KIF1B: variants seen among roughly 807,000 people sequenced by gnomAD.
The protein encoded by KIF1B is kinesin-like protein KIF1B.
KIF1B carries 76 observed loss-of-function variants against 241.9 expected under a neutral mutation model. The observed-to-expected ratio is 0.31, with a 90% confidence interval of 0.26 to 0.38. The LOEUF is 0.38. Among genes scored for constraint, KIF1B ranks in the 10% least tolerant of loss-of-function variants. KIF1B has a pLI of 1.00. For synonymous variants in KIF1B, 750 were observed against 796.7 expected (o/e 0.94, Z 0.99); for missense variants, 1,622 against 2,271.4 (o/e 0.71, Z 5.81).
chr1:10,304,367 G>A, intron 22 of KIF1B: 1 of 1,614,230 alleles, frequency 6.2e-7, no homozygotes, highest in Admixed American at 1.7e-5. Flanking sequence ...CAGCCGAAAA[G>A]TACGCGCTGC....
chr1:10,368,529 T>C lies in KIF1B; in HGVS notation c.4815T>C (p.Ser1605=). 6.2e-7 allele frequency: 1 copy of C among 1,613,774 alleles called. No homozygotes were observed. The highest frequency in any genetic ancestry group is 8.5e-7 in the Non-Finnish European group (1 of 1,179,666). The change falls in exon 44 of 49, where the codon AGT becomes AGC. Residue 1605 remains serine (S), a synonymous_variant. Coordinates refer to ENST00000676179, the MANE Select transcript of KIF1B (RefSeq NM_001365951.3). ...TCAGCCAGGTGCACGGCAGCGTCAG[T>C]GACTGTAAGGTGAGCACATTGACTG... The part of the protein sequence containing the change: ...REFSQVHGSV[S]DCKLSDISPI...
intron 2 of KIF1B, 94 bp downstream of exon 2, chr1:10,232,528 A>G: frequency 1.1e-6 from 1 of 875,262 alleles, no homozygotes; most frequent in Non-Finnish European, 1.9e-6. Context: ...GAACATCTGT[A>G]TGTTAACACT....
intron 44 of KIF1B, among the ~76,000 whole-genome samples, chr1:10,370,643 A>AAATAATAAT (rs200343928): frequency 0.015 from 2,212 of 147,948 alleles, 40 homozygotes; most frequent in African/African-American, 0.049. Flanking sequence ...TCGAGAAAGA[A>AAATAATAAT]AATAATAATA....
chr1:10,267,121 G>T (rs903994374), intron 5 of KIF1B, among the ~76,000 whole-genome samples: 1 of 151,906 alleles, frequency 6.6e-6, no homozygotes, highest in Non-Finnish European at 1.5e-5. Flanking sequence ...AGGTACAGGC[G>T]ATTTCTCCTG....
At position 10,371,691 on chromosome 1, in the gene KIF1B, C is replaced by T. The variant is rs148408541; in HGVS notation, c.4946+429C>T. Among the ~76,000 whole-genome samples, 851 of 152,258 alleles carry T rather than the reference C, an allele frequency of 5.6e-3. 4 individuals carry two copies. Among genetic ancestry groups the T allele is most frequent in the Non-Finnish European group, 9.2e-3 (625 of 68,000 alleles). On this transcript the variant is annotated intron_variant, in intron 45 of 48. Transcript: ENST00000676179. The stretch of plus-strand genomic sequence containing the variant: ...CAGGTGAGGTGGCTCCCAGCACTTT[C>T]GGATGCCAAGGCAGGAGGATTGCTT...
In KIF1B at chr1:10,222,599, TCTC is replaced by T. The variant is rs1347396902; in HGVS notation, c.-79-9648_-79-9646del. ...TTTACTGAAAGATCAATTTGAGTCT[TCTC>T]CTTAGATTCCTTATAATCCGAAGTG... On this transcript the variant is annotated intron_variant, in intron 1 of 48. Coordinates refer to ENST00000676179, the MANE Select transcript of KIF1B (RefSeq NM_001365951.3). Among the ~76,000 whole-genome samples the T allele has an allele frequency of 2.0e-5, 3 of 152,228 alleles. No individual in the cohort carries two copies. The East Asian group carries it at 5.8e-4, about 29-fold the overall frequency.
intron 37 of KIF1B, among the ~76,000 whole-genome samples, chr1:10,352,353 C>T (rs1203693991): frequency 6.6e-6 from 1 of 152,020 alleles, no homozygotes; most frequent in Non-Finnish European, 1.5e-5. Context: ...AGGTTCCAGA[C>T]CAGAGAGGAG....
intron 22 of KIF1B, among the ~76,000 whole-genome samples, chr1:10,300,119 C>T (rs1650463797): frequency 6.6e-6 from 1 of 151,586 alleles, no homozygotes; most frequent in Non-Finnish European, 1.5e-5. Flanking sequence ...CACCTGTAAT[C>T]CCAGCTGCTT....
chr1:10,303,635 A>G lies in KIF1B; in HGVS notation c.2115+6389A>G. On this transcript the variant is annotated intron_variant, in intron 22 of 48. Transcript: ENST00000676179. The surrounding 1 kb of genome is among the most constrained non-coding windows in gnomAD (Gnocchi z 5.2). Reference sequence around the variant, plus strand: ...ACTGGGAAAGGCAGCACTGATGTAGATGACCTCAAGGTTCATATAGACAAG... The same window carrying G: ...ACTGGGAAAGGCAGCACTGATGTAGGTGACCTCAAGGTTCATATAGACAAG... 1.9e-6 allele frequency: 3 copies of G among 1,614,220 alleles called. No homozygotes were observed. The East Asian group carries it at 6.7e-5, about 36-fold the overall frequency.
intron 22 of KIF1B, among the ~76,000 whole-genome samples, chr1:10,309,182 A>G (rs1287013357): frequency 1.3e-5 from 2 of 152,194 alleles, no homozygotes; most frequent in East Asian, 3.8e-4. Flanking sequence ...AAACAACATA[A>G]TCACGCATCA....
Position 10,236,828 on chromosome 1 carries a change from CTTG to C in KIF1B, c.106+4397_106+4399del, listed in dbSNP as rs1177908562. ...ATGATATTTTAGAAAGTATTATTGG[CTTG>C]TTTTTTTTTTTTTAAACACCATTGG... On this transcript the variant is annotated intron_variant, in intron 2 of 48. Coordinates refer to ENST00000676179, the MANE Select transcript of KIF1B (RefSeq NM_001365951.3). Among the ~76,000 whole-genome samples, 201 of 148,264 alleles carry C rather than the reference CTTG, an allele frequency of 1.4e-3. 1 individual carries two copies. The highest frequency in any genetic ancestry group is 4.5e-3 in the African/African-American group (180 of 39,892).
chr1:10,293,364 C>T (rs1366558037), intron 17 of KIF1B, among the ~76,000 whole-genome samples: 1 of 150,248 alleles, frequency 6.7e-6, no homozygotes, highest in Admixed American at 6.7e-5. Flanking sequence ...TATTTTATAA[C>T]ATCTTACAGT....
chr1:10,292,350 G>A (rs903514941), intron 17 of KIF1B: 11 of 506,996 alleles, frequency 2.2e-5, no homozygotes, highest in Admixed American at 9.9e-5. Context: ...AAAACCTAAG[G>A]CAATATGTAA....
chr1:10,339,374 A>G (rs546749036), intron 31 of KIF1B, among the ~76,000 whole-genome samples: 10 of 152,220 alleles, frequency 6.6e-5, no homozygotes, highest in South Asian at 4.1e-4. Context: ...TTATGTAACT[A>G]TGCCATCCAC....
rs372166105 is a variant in KIF1B at position 10,359,975 on chromosome 1, G to A, written c.4056-954G>A. Among the ~76,000 whole-genome samples the A allele has an allele frequency of 1.9e-4, 29 of 152,204 alleles. 2 individuals are homozygous for A. The South Asian group carries it at 6.0e-3, about 32-fold the overall frequency. On this transcript the variant is annotated intron_variant, in intron 38 of 48. Transcript: ENST00000676179. ...TTGAACCCAAGAGGCAGAGGTTGCAGTGAGCTGAGATTGCGCCACTGCACT... is the reference window on the plus strand; with the variant it reads ...TTGAACCCAAGAGGCAGAGGTTGCAATGAGCTGAGATTGCGCCACTGCACT...
chr1:10,211,941 G>A (rs1646699102), intron 1 of KIF1B, among the ~76,000 whole-genome samples: 1 of 152,172 alleles, frequency 6.6e-6, no homozygotes, highest in Non-Finnish European at 1.5e-5. Flanking sequence ...TTTCAGAGTC[G>A]CTCGACTTGC....
chr1:10,237,504 T>C (rs1647071861), intron 2 of KIF1B, among the ~76,000 whole-genome samples: 1 of 152,220 alleles, frequency 6.6e-6, no homozygotes, highest in Admixed American at 6.5e-5. Flanking sequence ...CTTTGGTGAA[T>C]TTTGTTCATA....
chr1:10,243,432 CT>C (rs749371789), intron 2 of KIF1B, among the ~76,000 whole-genome samples: 15 of 152,190 alleles, frequency 9.9e-5, no homozygotes, highest in Non-Finnish European at 2.1e-4. Flanking sequence ...AAACAATTGC[CT>C]TTTAGTGGGG....
chr1:10,346,360 TTTTTTTG>T (rs1652589266), intron 35 of KIF1B, among the ~76,000 whole-genome samples: 1 of 138,780 alleles, frequency 7.2e-6, no homozygotes, highest in East Asian at 2.2e-4. Flanking sequence ...TTTTTGGGGT[TTTTTTTG>T]TTTTTTGTTT....
Sources: gnomAD v4.1 joint callset for allele counts (sites outside exome capture counted in the v4.1 genomes callset) on GRCh38, gnomAD v4.1.1 for gene constraint, Gnocchi (gnomAD v3.1) non-coding constraint, MANE v1.5 for transcripts, NCBI Gene and HGNC (gene_info 2026-07-23, HGNC 2026-07-21) for gene names.